Variants in CPPED1 observed in about 807,000 individuals in gnomAD.
CPPED1 encodes the protein serine/threonine-protein phosphatase CPPED1.
Under a neutral mutation model 28.0 loss-of-function variants are expected in CPPED1, and 28 were observed. That is an observed-to-expected ratio of 1.00 (90% CI 0.74 to 1.37). The LOEUF is 1.37. Among genes scored for constraint, CPPED1 ranks in the 40% most tolerant of loss-of-function variants. The pLI is 0.00. For missense variants in CPPED1, 504 were observed against 416.5 expected (o/e 1.21, Z -1.83); for synonymous variants, 198 against 180.2 (o/e 1.10, Z -0.79).
At chr16:12,791,417 ATCTT>A (rs1299553539) in intron 1 of CPPED1, among the ~76,000 whole-genome samples, 14 of 152,152 alleles carry the variant, frequency 9.2e-5, no homozygotes, top group Admixed American at 7.9e-4. Flanking sequence ...ATGGCTGCAC[ATCTT>A]TCTTTAAGAC....
intron 3 of CPPED1, among the ~76,000 whole-genome samples, chr16:12,695,046 G>C (rs2079982986): frequency 6.6e-6 from 1 of 152,070 alleles, no homozygotes; most frequent in Non-Finnish European, 1.5e-5. Context: ...CCAAAGGACT[G>C]GTATTACAGG....
chr16:12,680,959 G>C (rs1298256962), intron 3 of CPPED1, among the ~76,000 whole-genome samples: 1 of 152,062 alleles, frequency 6.6e-6, no homozygotes, highest in Non-Finnish European at 1.5e-5. Context: ...GTTTATCTTA[G>C]GATTCATAGC....
intron 2 of CPPED1, among the ~76,000 whole-genome samples, chr16:12,765,620 T>A (rs2080433866): frequency 6.6e-6 from 1 of 152,216 alleles, no homozygotes; most frequent in South Asian, 2.1e-4. Context: ...ATGACAGTGG[T>A]ATTTCACTCA....
At chr16:12,686,411 C>T (rs963802688) in intron 3 of CPPED1, among the ~76,000 whole-genome samples, 1 of 152,128 alleles carries the variant, frequency 6.6e-6, no homozygotes, top group East Asian at 1.9e-4. Context: ...TCTTTGGAAA[C>T]TCCTACAAAA....
In CPPED1 at chr16:12,664,399, T is replaced by G. The variant is rs1333481704; in HGVS notation, c.*487A>C. 2.0e-6 allele frequency: 2 copies of G among 1,006,996 alleles called. No homozygotes were observed. Among genetic ancestry groups the G allele is most frequent in the Non-Finnish European group, 2.4e-6 (2 of 844,974 alleles). The allele number at this position is 1,006,996 out of a possible 1,614,324, so 62.4% of individuals were successfully genotyped here. A position where few individuals can be genotyped will look rare whatever the true frequency, so the allele number is the denominator to read the frequency against. ...GCTCTCACAACAAGGGAGACAGCTGTTCGTTCCGCTGGAAAGGAAAGGAGA... is the reference window on the plus strand; with the variant it reads ...GCTCTCACAACAAGGGAGACAGCTGGTCGTTCCGCTGGAAAGGAAAGGAGA... On this transcript the variant is annotated 3_prime_UTR_variant, in exon 4 of 4. Transcript: ENST00000381774. This position sits in a 1 kb window ranked among gnomAD's most constrained non-coding sequence, Gnocchi z 4.2.
chr16:12,688,734 T>G (rs1247063488), intron 3 of CPPED1, among the ~76,000 whole-genome samples: 1 of 152,226 alleles, frequency 6.6e-6, no homozygotes, highest in Non-Finnish European at 1.5e-5. Flanking sequence ...CGATGCTTAC[T>G]CCACCTCATG....
Position 12,743,922 on chromosome 16 carries a change from G to A in CPPED1, c.289+37263C>T, listed in dbSNP as rs147005428. On this transcript the variant is annotated intron_variant, in intron 2 of 3. Coordinates refer to ENST00000381774, the MANE Select transcript of CPPED1 (RefSeq NM_018340.3). ...TGGGAGGCTGAGGTGGGAGGTTCAC[G>A]TGAGCCAGGGCGACAGAGCAAGACC... Among the ~76,000 whole-genome samples, 21 of 152,054 alleles carry A rather than the reference G, an allele frequency of 1.4e-4. No homozygotes were observed. The East Asian group carries it at 3.3e-3, about 24-fold the overall frequency.
At chr16:12,679,098 A>G (rs2079892332) in intron 3 of CPPED1, among the ~76,000 whole-genome samples, 1 of 152,210 alleles carries the variant, frequency 6.6e-6, no homozygotes, top group Non-Finnish European at 1.5e-5. Flanking sequence ...GATCTCACAA[A>G]AGCCTTGCAA....
chr16:12,743,637 T>C (rs2080267586), intron 2 of CPPED1, among the ~76,000 whole-genome samples: 1 of 152,104 alleles, frequency 6.6e-6, no homozygotes, highest in Non-Finnish European at 1.5e-5. Context: ...AAGTCATTTA[T>C]CTCAATGGAA....
intron 2 of CPPED1, among the ~76,000 whole-genome samples, chr16:12,718,867 G>A (rs1489797381): frequency 6.6e-6 from 1 of 152,168 alleles, no homozygotes; most frequent in African/African-American, 2.4e-5. Context: ...GTAGGCTGAG[G>A]CAGGAGAATC....
intron 2 of CPPED1, among the ~76,000 whole-genome samples, chr16:12,737,905 G>T (rs2080235181): frequency 6.6e-6 from 1 of 152,110 alleles, no homozygotes; most frequent in Non-Finnish European, 1.5e-5. Context: ...CAAAACCGAG[G>T]AATCCGGTCA....
chr16:12,800,105 C>G (rs1223478111), intron 1 of CPPED1, among the ~76,000 whole-genome samples: 3 of 151,686 alleles, frequency 2.0e-5, no homozygotes, highest in Non-Finnish European at 4.4e-5. Context: ...TGAAAGACAC[C>G]CCGTGCCCAA....
chr16:12,736,397 G>A (rs533578392), intron 2 of CPPED1, among the ~76,000 whole-genome samples: 2 of 151,922 alleles, frequency 1.3e-5, no homozygotes, highest in African/African-American at 4.8e-5. Flanking sequence ...ATACCACCAT[G>A]CCTGGCTAAT....
chr16:12,704,875 AC>A lies in CPPED1; in HGVS notation c.463del (p.Val155SerfsTer23). ...GAGGACCAGGAACAGGACGCCCCCG[AC>A]CCAGAAGCTGAAGTAGTCATCTCCC... ...TWGDDYFSFW[V>X]GGVLFLVLNS... On this transcript the variant is annotated frameshift_variant, in exon 3 of 4. Coordinates refer to ENST00000381774, the MANE Select transcript of CPPED1 (RefSeq NM_018340.3). LOFTEE classifies it high-confidence loss of function. 5.0e-6 allele frequency: 8 copies of A among 1,614,066 alleles called. No individual in the cohort carries two copies. The highest frequency in any genetic ancestry group is 6.8e-6 in the Non-Finnish European group (8 of 1,179,994).
intron 3 of CPPED1, among the ~76,000 whole-genome samples, chr16:12,665,701 G>A (rs2079821813): frequency 6.6e-6 from 1 of 152,174 alleles, no homozygotes; most frequent in Admixed American, 6.6e-5. Flanking sequence ...AGGCCAAGGT[G>A]GGTGGATCAC....
In CPPED1 at chr16:12,768,867, C is replaced by CTTTT. The variant is rs35322378; in HGVS notation, c.289+12314_289+12317dup. 2.2e-5 allele frequency among the ~76,000 whole-genome samples: 3 copies of CTTTT among 138,040 alleles called. 1 individual carries two copies. The highest frequency in any genetic ancestry group is 7.4e-5 in the Admixed American group (1 of 13,540). The allele number at this position is 138,040 out of a possible 152,430, so 90.6% of individuals were successfully genotyped here. ...AAACTCACTGCCATTTTTTCTTTTT[C>CTTTT]TTTTTTTTTTTTTTTGAGACGGAGT... On this transcript the variant is annotated intron_variant, in intron 2 of 3. Transcript: ENST00000381774.
At chr16:12,785,258 T>C (rs1353511965) in intron 1 of CPPED1, among the ~76,000 whole-genome samples, 1 of 152,144 alleles carries the variant, frequency 6.6e-6, no homozygotes, top group East Asian at 1.9e-4. Flanking sequence ...GTTTTTTTAA[T>C]TTATTTTTAC....
chr16:12,759,938 C>G (rs1432850936), intron 2 of CPPED1, among the ~76,000 whole-genome samples: 2 of 152,152 alleles, frequency 1.3e-5, no homozygotes, highest in Non-Finnish European at 2.9e-5. Flanking sequence ...AAGGGAATAC[C>G]AAAGTACTGG....
At chr16:12,726,080 C>A (rs1412724988) in intron 2 of CPPED1, among the ~76,000 whole-genome samples, 1 of 152,012 alleles carries the variant, frequency 6.6e-6, no homozygotes, top group East Asian at 1.9e-4. Flanking sequence ...CTCACTCTGT[C>A]GCCCAAGCTG....
Sources: allele counts gnomAD v4.1 joint callset (sites outside exome capture counted in the v4.1 genomes callset), GRCh38; gene constraint gnomAD v4.1.1; non-coding constraint Gnocchi (gnomAD v3.1); transcripts MANE v1.5; gene names NCBI Gene and HGNC (gene_info 2026-07-23, HGNC 2026-07-21).